Variants in SOX6 observed in about 807,000 individuals in gnomAD.
SOX6 encodes transcription factor SOX-6.
A neutral mutation model predicts 97.8 loss-of-function variants in SOX6; 11 were observed. The ratio of observed to expected loss-of-function variants is 0.11; its 90% CI spans 0.07 to 0.19. The LOEUF is 0.19. Ranked by LOEUF, SOX6 falls within the 10% of genes least tolerant of loss-of-function variation. The pLI, the probability that SOX6 is intolerant of heterozygous loss-of-function variation, is 1.00. For synonymous variants in SOX6, 360 were observed against 371.4 expected (o/e 0.97, Z 0.35); for missense variants, 810 against 1,039.5 (o/e 0.78, Z 3.04).
intron 2 of SOX6, among the ~76,000 whole-genome samples, chr11:16,332,110 C>CGAT (rs748841162): frequency 2.0e-5 from 3 of 152,020 alleles, no homozygotes; most frequent in Non-Finnish European, 4.4e-5. Flanking sequence ...TGAAATACAT[C>CGAT]GATGAGAGAA....
intron 15 of SOX6, among the ~76,000 whole-genome samples, chr11:15,979,827 C>A (rs1262997816): frequency 1.3e-5 from 2 of 152,010 alleles, no homozygotes; most frequent in Non-Finnish European, 2.9e-5. Flanking sequence ...TAAAATTGCA[C>A]CCTATAAGCT....
At chr11:15,981,609 G>C (rs1425522020) in intron 15 of SOX6, among the ~76,000 whole-genome samples, 1 of 151,964 alleles carries the variant, frequency 6.6e-6, no homozygotes, top group Non-Finnish European at 1.5e-5. Context: ...TTTACCTATT[G>C]AATGTTCTAA....
intron 4 of SOX6, among the ~76,000 whole-genome samples, chr11:16,511,060 G>T (rs889353798): frequency 1.3e-5 from 2 of 152,094 alleles, no homozygotes; most frequent in African/African-American, 4.8e-5. Context: ...AGTTTCCAAG[G>T]AAATATATAT....
chr11:16,229,863 T>G (rs968968873), intron 4 of SOX6, among the ~76,000 whole-genome samples: 6 of 151,800 alleles, frequency 4.0e-5, no homozygotes, highest in Admixed American at 2.6e-4. Flanking sequence ...ACATTTTACA[T>G]AACCAAGAAA....
chr11:16,193,405 G>A (rs560107477), intron 4 of SOX6, among the ~76,000 whole-genome samples: 1 of 152,094 alleles, frequency 6.6e-6, no homozygotes, highest in South Asian at 2.1e-4. Context: ...AAGGGCAATG[G>A]TGTTAACATA....
chr11:16,535,076 T>A (rs1861288774), intron 4 of SOX6, among the ~76,000 whole-genome samples: 1 of 152,308 alleles, frequency 6.6e-6, no homozygotes, highest in Non-Finnish European at 1.5e-5. Context: ...ACCTGCATAT[T>A]GAAGGGCAGT....
At chr11:16,158,392 T>C (rs1850656764) in intron 6 of SOX6, among the ~76,000 whole-genome samples, 1 of 152,046 alleles carries the variant, frequency 6.6e-6, no homozygotes, top group Admixed American at 6.6e-5. Context: ...ATGAAACTGA[T>C]GCCAAAATGC....
intron 3 of SOX6, among the ~76,000 whole-genome samples, chr11:16,648,645 A>G (rs1294610060): frequency 6.6e-6 from 1 of 152,180 alleles, no homozygotes; most frequent in South Asian, 2.1e-4. Context: ...TCCACTGCCT[A>G]TAACATCCTG....
rs367851651 is a variant in SOX6 at position 16,585,299 on chromosome 11, A to G, written n.609+26782T>C. Among the ~76,000 whole-genome samples the G allele has an allele frequency of 1.4e-4, 22 of 152,336 alleles. No homozygotes were observed. The South Asian group carries it at 1.7e-3, about 11-fold the overall frequency. On this transcript the variant is annotated intron_variant and non_coding_transcript_variant, in intron 4 of 5. Coordinates refer to the SOX6 transcript ENST00000524520. ...TCTTTTAAAGACATTTGTTTTAATAATAGCTAATGCTTATATGACACCTAT... is the reference window on the plus strand; with the variant it reads ...TCTTTTAAAGACATTTGTTTTAATAGTAGCTAATGCTTATATGACACCTAT...
intron 1 of SOX6, chr11:16,402,583 G>C (rs1858587919): frequency 7.0e-7 from 1 of 1,437,884 alleles, no homozygotes; most frequent in Admixed American, 1.7e-5. Context: ...TGGTGACAAA[G>C]AAATATCGCT....
At chr11:16,698,145 A>T (rs186096350) in intron 3 of SOX6, among the ~76,000 whole-genome samples, 1 of 152,336 alleles carries the variant, frequency 6.6e-6, no homozygotes, top group African/African-American at 2.4e-5. Flanking sequence ...CCTCAATGGC[A>T]TCTTCTTCCA....
At chr11:16,250,074 C>T (rs546822101) in intron 3 of SOX6, among the ~76,000 whole-genome samples, 1 of 152,232 alleles carries the variant, frequency 6.6e-6, no homozygotes, top group African/African-American at 2.4e-5. Context: ...AGTCCCCAAC[C>T]CCTGGGCCAT....
At chr11:16,231,176 T>G (rs1398001285) in intron 4 of SOX6, among the ~76,000 whole-genome samples, 1 of 151,598 alleles carries the variant, frequency 6.6e-6, no homozygotes, top group Non-Finnish European at 1.5e-5. Context: ...AAAGAAGGGA[T>G]GGAAAGATTG....
chr11:16,536,698 G>C (rs967171505), intron 4 of SOX6, among the ~76,000 whole-genome samples: 1 of 152,222 alleles, frequency 6.6e-6, no homozygotes, highest in Non-Finnish European at 1.5e-5. Flanking sequence ...CTTGATCACT[G>C]CTAGCACAGC....
chr11:16,720,785 T>G (rs1365360760), intron 2 of SOX6, among the ~76,000 whole-genome samples: 1 of 152,188 alleles, frequency 6.6e-6, no homozygotes, highest in East Asian at 1.9e-4. Flanking sequence ...ATGAGTAATT[T>G]TTATGTATGC....
chr11:16,541,150 G>T (rs562625539), intron 4 of SOX6, among the ~76,000 whole-genome samples: 124 of 152,114 alleles, frequency 8.2e-4, no homozygotes, highest in African/African-American at 2.6e-3. Context: ...CAGAACAGAG[G>T]CCACAGGAAT....
chr11:16,198,744 A>G (rs981955606), intron 4 of SOX6, among the ~76,000 whole-genome samples: 5 of 152,190 alleles, frequency 3.3e-5, no homozygotes, highest in Admixed American at 3.3e-4. Context: ...AAATTATTAT[A>G]GCATCAATGG....
chr11:16,522,588 C>A (rs1372889083), intron 4 of SOX6, among the ~76,000 whole-genome samples: 1 of 150,906 alleles, frequency 6.6e-6, no homozygotes, highest in South Asian at 2.1e-4. Context: ...AGCAAAATAA[C>A]CAGCTAACAT....
chr11:16,353,931 A>C (rs1462504634), intron 1 of SOX6, among the ~76,000 whole-genome samples: 1 of 151,904 alleles, frequency 6.6e-6, no homozygotes, highest in Admixed American at 6.6e-5. Flanking sequence ...TCCCCTGAAA[A>C]ACTTTTACAT....
Sources: allele counts gnomAD v4.1 joint callset (sites outside exome capture counted in the v4.1 genomes callset), GRCh38; gene constraint gnomAD v4.1.1; transcripts MANE v1.5; gene names NCBI Gene and HGNC (gene_info 2026-07-23, HGNC 2026-07-21).